Variants in PRKN observed in about 807,000 individuals in gnomAD.
The protein encoded by PRKN is parkin RBR E3 ubiquitin protein ligase, also known as E3 ubiquitin-protein ligase parkin.
Under a neutral mutation model 59.5 loss-of-function variants are expected in PRKN, and 56 were observed. The ratio of observed to expected loss-of-function variants is 0.94; its 90% CI spans 0.76 to 1.18. The LOEUF is 1.18. Among genes scored for constraint, PRKN ranks in the 50% most tolerant of loss-of-function variants. PRKN has a pLI of 0.00. For synonymous variants in PRKN, 250 were observed against 222.1 expected (o/e 1.13, Z -1.12); for missense variants, 657 against 596.4 (o/e 1.10, Z -1.06).
At chr6:161,739,611 C>G (rs1195251001) in intron 7 of PRKN, among the ~76,000 whole-genome samples, 1 of 152,146 alleles carries the variant, frequency 6.6e-6, no homozygotes, top group Non-Finnish European at 1.5e-5. Flanking sequence ...CCTTTCACTA[C>G]TTTTCCAAAC....
chr6:161,351,942 C>T lies in PRKN; in HGVS notation c.1286-1731G>A, dbSNP rs1448090267. Among the ~76,000 whole-genome samples, 5 of 152,298 alleles carry T rather than the reference C, an allele frequency of 3.3e-5. No homozygotes were observed. The East Asian group carries it at 7.7e-4, about 24-fold the overall frequency. On this transcript the variant is annotated intron_variant, in intron 11 of 11. Transcript: ENST00000366898. ...AACTTATTTTGGAATTATTCACCTCCCTCACTTGTTAAACATAGACTCCAT... is the reference window on the plus strand; with the variant it reads ...AACTTATTTTGGAATTATTCACCTCTCTCACTTGTTAAACATAGACTCCAT...
Position 161,914,377 on chromosome 6 carries a change from C to T in PRKN, c.734+58925G>A, listed in dbSNP as rs937322010. On this transcript the variant is annotated intron_variant, in intron 6 of 11. Transcript: ENST00000366898. ...TGTATATTACACACTTGTAGGCATG[C>T]ATACTTCTATATTATATTTCTAAGT... 2.6e-5 allele frequency among the ~76,000 whole-genome samples: 4 copies of T among 152,210 alleles called. No individual in the cohort carries two copies. The South Asian group carries it at 6.2e-4, about 24-fold the overall frequency.
chr6:162,267,242 C>T (rs1780184223), intron 2 of PRKN: 1 of 152,168 alleles, frequency 6.6e-6, no homozygotes, highest in African/African-American at 2.4e-5. Flanking sequence ...TCATTAATTG[C>T]TTAATCTTTG....
chr6:161,626,829 G>C (rs1884154), intron 7 of PRKN, among the ~76,000 whole-genome samples: 36,651 of 152,152 alleles, frequency 0.24, 4,737 homozygotes, highest in African/African-American at 0.34. Flanking sequence ...TAATGACAAA[G>C]GCTTTGAGTC....
chr6:162,042,340 T>C (rs1007304868), intron 5 of PRKN, among the ~76,000 whole-genome samples: 2 of 152,150 alleles, frequency 1.3e-5, no homozygotes, highest in Non-Finnish European at 2.9e-5. Flanking sequence ...TTACCCAGGC[T>C]GGAGTGCAGT....
intron 6 of PRKN, among the ~76,000 whole-genome samples, chr6:161,881,197 G>A (rs555250472): frequency 6.6e-6 from 1 of 152,300 alleles, no homozygotes; most frequent in East Asian, 1.9e-4. Flanking sequence ...AGGGACACAT[G>A]TCATCCTAAT....
Position 161,584,486 on chromosome 6 carries a change from G to A in PRKN, c.872-15070C>T, listed in dbSNP as rs532435043. On this transcript the variant is annotated intron_variant, in intron 7 of 11. Transcript: ENST00000366898. The surrounding 1 kb of genome is among the most constrained non-coding windows in gnomAD (Gnocchi z 4.8). The stretch of plus-strand genomic sequence containing the variant: ...ATAATCTTCATGTGCCAAATTGGGG[G>A]AAAAAACCTTATGGCTGGCCTGTTA... 6.6e-6 allele frequency among the ~76,000 whole-genome samples: 1 copy of A among 152,222 alleles called. No individual in the cohort carries two copies. Among genetic ancestry groups the A allele is most frequent in the South Asian group, 2.1e-4 (1 of 4,810 alleles).
chr6:162,128,976 G>T (rs1781235143), intron 4 of PRKN, among the ~76,000 whole-genome samples: 1 of 152,152 alleles, frequency 6.6e-6, no homozygotes. Flanking sequence ...GCAGTCTGAG[G>T]TGACTAACAA....
intron 3 of PRKN, among the ~76,000 whole-genome samples, chr6:162,203,237 C>T (rs1784805973): frequency 6.6e-6 from 1 of 152,120 alleles, no homozygotes; most frequent in African/African-American, 2.4e-5. Context: ...AATGCTACTA[C>T]CTTCGCTGAA....
chr6:161,387,797 G>A (rs1217923070), intron 9 of PRKN, among the ~76,000 whole-genome samples: 1 of 152,120 alleles, frequency 6.6e-6, no homozygotes, highest in Non-Finnish European at 1.5e-5. Context: ...TTGGAGACAG[G>A]GCCTTTAAAG....
intron 7 of PRKN, among the ~76,000 whole-genome samples, chr6:161,725,239 G>C (rs929349710): frequency 6.6e-6 from 1 of 152,108 alleles, no homozygotes; most frequent in African/African-American, 2.4e-5. Context: ...TAAAAATTTT[G>C]TTTAATGCAA....
At chr6:162,001,737 T>C (rs372620302) in intron 5 of PRKN, among the ~76,000 whole-genome samples, 1 of 152,002 alleles carries the variant, frequency 6.6e-6, no homozygotes, top group African/African-American at 2.4e-5. Context: ...TTGATCTTAA[T>C]GGCAAAGAGT....
intron 5 of PRKN, among the ~76,000 whole-genome samples, chr6:161,995,577 C>A (rs1255794702): frequency 6.6e-6 from 1 of 151,708 alleles, no homozygotes; most frequent in African/African-American, 2.4e-5. Context: ...ACAAATAAAC[C>A]CATCAAAAAG....
chr6:162,559,150 C>A lies in PRKN; in HGVS notation c.8-115677G>T, dbSNP rs1336403187. 6.1e-3 allele frequency among the ~76,000 whole-genome samples: 624 copies of A among 101,716 alleles called. 1 individual carries two copies. The highest frequency in any genetic ancestry group is 6.7e-3 in the East Asian group (23 of 3,434). The allele number at this position is 101,716 out of a possible 152,430, so 66.7% of individuals were successfully genotyped here. ...TGGGCGACAGAGCAAGATTCCGTCT[C>A]AAAAAAAAAAAAAAAAAGGCAATTG... On this transcript the variant is annotated intron_variant, in intron 1 of 11. Transcript: ENST00000366898.
intron 3 of PRKN, among the ~76,000 whole-genome samples, chr6:162,208,213 A>G (rs1785041154): frequency 6.6e-6 from 1 of 152,324 alleles, no homozygotes; most frequent in Non-Finnish European, 1.5e-5. Context: ...ATTACACCCA[A>G]CTGAATCAAA....
At chr6:162,389,684 T>C (rs1787062581) in intron 2 of PRKN, among the ~76,000 whole-genome samples, 1 of 152,192 alleles carries the variant, frequency 6.6e-6, no homozygotes, top group African/African-American at 2.4e-5. Flanking sequence ...ATTCTCAATT[T>C]ACAAATAAGC....
chr6:162,609,407 A>T (rs900530640), intron 1 of PRKN, among the ~76,000 whole-genome samples: 2 of 152,248 alleles, frequency 1.3e-5, no homozygotes, highest in Non-Finnish European at 2.9e-5. Context: ...AAGAATAGCA[A>T]CTTCATATAG....
chr6:161,904,536 C>T (rs892181443), intron 6 of PRKN, among the ~76,000 whole-genome samples: 2 of 152,008 alleles, frequency 1.3e-5, no homozygotes, highest in African/African-American at 4.8e-5. Flanking sequence ...AGGACGGTCT[C>T]GATCTCCTGA....
At chr6:162,652,614 T>C (rs894797442) in intron 1 of PRKN, among the ~76,000 whole-genome samples, 2 of 152,080 alleles carry the variant, frequency 1.3e-5, no homozygotes, top group Admixed American at 1.3e-4. Flanking sequence ...TTGCTTATTA[T>C]TTATGGTTTC....
Sources: gnomAD v4.1 joint callset for allele counts (sites outside exome capture counted in the v4.1 genomes callset) on GRCh38, gnomAD v4.1.1 for gene constraint, Gnocchi (gnomAD v3.1) non-coding constraint, MANE v1.5 for transcripts, NCBI Gene and HGNC (gene_info 2026-07-23, HGNC 2026-07-21) for gene names.